The following SUMF1 variants were observed in gnomAD, a reference collection of about 807,000 sequenced individuals.
The protein encoded by SUMF1 is formylglycine-generating enzyme.
A neutral mutation model predicts 47.6 loss-of-function variants in SUMF1; 48 were observed. That is an observed-to-expected ratio of 1.01 (90% CI 0.80 to 1.28). SUMF1 has a LOEUF of 1.28. Ranked by LOEUF, SUMF1 falls within the 50% of genes most tolerant of loss-of-function variation. SUMF1 has a pLI of 0.00. For missense variants in SUMF1, 571 were observed against 485.4 expected (o/e 1.18, Z -1.66); for synonymous variants, 230 against 192.1 (o/e 1.20, Z -1.63).
chr3:4,073,871 C>T (rs1192002210), intron 8 of SUMF1, among the ~76,000 whole-genome samples: 1 of 152,148 alleles, frequency 6.6e-6, no homozygotes, highest in Non-Finnish European at 1.5e-5. Context: ...GGGACTTAGA[C>T]TCCTACACAA....
intron 8 of SUMF1, among the ~76,000 whole-genome samples, chr3:4,129,292 G>A (rs1383339516): frequency 6.6e-6 from 1 of 152,096 alleles, no homozygotes; most frequent in Non-Finnish European, 1.5e-5. Flanking sequence ...CATAGTGGGT[G>A]TACCTACTGT....
chr3:4,303,645 C>A (rs1559210980), intron 8 of SUMF1: 1 of 1,429,998 alleles, frequency 7.0e-7, no homozygotes, highest in Non-Finnish European at 9.2e-7. Flanking sequence ...TTACAGCGCA[C>A]CCGTTGGTGC....
chr3:4,070,211 T>G (rs1324019206), intron 8 of SUMF1, among the ~76,000 whole-genome samples: 1 of 152,210 alleles, frequency 6.6e-6, no homozygotes, highest in African/African-American at 2.4e-5. Flanking sequence ...TTAAATGTAT[T>G]TGATTGATGT....
intron 8 of SUMF1, among the ~76,000 whole-genome samples, chr3:4,119,836 T>C (rs1693499721): frequency 6.6e-6 from 1 of 152,164 alleles, no homozygotes; most frequent in African/African-American, 2.4e-5. Flanking sequence ...TCCTTGGTCC[T>C]TGGTTCCCCA....
At chr3:4,335,960 CAAAA>C (rs770091674) in intron 8 of SUMF1, among the ~76,000 whole-genome samples, 20 of 73,900 alleles carry the variant, frequency 2.7e-4, no homozygotes, top group South Asian at 4.8e-4. Context: ...GATTCCAACT[CAAAA>C]AAAAAAAAAA....
chr3:4,296,692 A>G (rs1431682737), intron 8 of SUMF1, among the ~76,000 whole-genome samples: 2 of 152,196 alleles, frequency 1.3e-5, no homozygotes, highest in Non-Finnish European at 2.9e-5. Flanking sequence ...TACAGGAGCT[A>G]CAATTCAAGA....
At chr3:4,052,547 A>G (rs1695129583) in intron 9 of SUMF1, among the ~76,000 whole-genome samples, 1 of 152,126 alleles carries the variant, frequency 6.6e-6, no homozygotes, top group Non-Finnish European at 1.5e-5. Flanking sequence ...ACAAACAGCT[A>G]CTGGAGAAGC....
At chr3:4,247,488 G>A (rs1004893592) in intron 8 of SUMF1, among the ~76,000 whole-genome samples, 1 of 152,142 alleles carries the variant, frequency 6.6e-6, no homozygotes, top group Admixed American at 6.5e-5. Flanking sequence ...TTCTCTGCAT[G>A]AATCATTCAG....
chr3:4,212,056 C>T (rs1695810663), intron 8 of SUMF1, among the ~76,000 whole-genome samples: 1 of 152,176 alleles, frequency 6.6e-6, no homozygotes. Flanking sequence ...GAGCAGACCT[C>T]CCAGCACAGC....
intron 1 of SUMF1, among the ~76,000 whole-genome samples, chr3:4,454,829 C>A (rs1703100318): frequency 1.3e-5 from 2 of 152,106 alleles, no homozygotes; most frequent in South Asian, 4.1e-4. Flanking sequence ...CAAAGGGCCA[C>A]ATATTGTATG....
chr3:4,134,071 T>G (rs1693859953), intron 8 of SUMF1, among the ~76,000 whole-genome samples: 2 of 151,758 alleles, frequency 1.3e-5, no homozygotes, highest in Admixed American at 1.3e-4. Flanking sequence ...AGACAGAAAG[T>G]TAACAAGGAT....
At chr3:4,315,166 C>T (rs1233651962) in intron 8 of SUMF1, among the ~76,000 whole-genome samples, 1 of 152,200 alleles carries the variant, frequency 6.6e-6, no homozygotes, top group Non-Finnish European at 1.5e-5. Context: ...TTAATCATTT[C>T]TCCATGCCAA....
Position 4,091,632 on chromosome 3 carries a change from A to G in SUMF1, c.1015-22887T>C, listed in dbSNP as rs148124821. Among the ~76,000 whole-genome samples the G allele has an allele frequency of 8.3e-3, 1,261 of 152,240 alleles. 25 individuals carry two copies. The highest frequency in any genetic ancestry group is 0.029 in the African/African-American group (1,213 of 41,496). ...AGGATAACAGCCCTTTATGACTTTA[A>G]CAAAAATTCATTTTTATTGCAATCA... On this transcript the variant is annotated intron_variant and NMD_transcript_variant, in intron 8 of 12. Transcript: ENST00000448413.
At chr3:4,374,407 A>G (rs868471756) in intron 8 of SUMF1, among the ~76,000 whole-genome samples, 1 of 152,226 alleles carries the variant, frequency 6.6e-6, no homozygotes, top group Non-Finnish European at 1.5e-5. Flanking sequence ...AGTTTAAAAG[A>G]TATTTTTAAA....
rs1465413567 is a variant in SUMF1 at position 4,362,263 on chromosome 3, A to T, written c.1015-9T>A. The T allele has an allele frequency of 6.2e-7, 1 of 1,612,642 alleles. No individual in the cohort carries two copies. The highest frequency in any genetic ancestry group is 1.1e-5 in the South Asian group (1 of 91,056). On this transcript the variant is annotated splice_polypyrimidine_tract_variant and intron_variant, in intron 8 of 8. Transcript: ENST00000272902. Reference sequence around the variant, plus strand: ...TACCTGTAACAATAAGACTGTGTAGAGAGAAAGAGCAAGGTAAGTGCTACT... The same window carrying T: ...TACCTGTAACAATAAGACTGTGTAGTGAGAAAGAGCAAGGTAAGTGCTACT...
chr3:4,034,764 C>A (rs577007920), intron 9 of SUMF1, among the ~76,000 whole-genome samples: 1 of 151,972 alleles, frequency 6.6e-6, no homozygotes, highest in Non-Finnish European at 1.5e-5. Context: ...ACAGGACAGA[C>A]AGACATAAGT....
chr3:4,389,804 T>G (rs1421322088), intron 7 of SUMF1, among the ~76,000 whole-genome samples: 1 of 152,186 alleles, frequency 6.6e-6, no homozygotes, highest in Non-Finnish European at 1.5e-5. Context: ...TTCTAAAATT[T>G]GCATTTGGTT....
At chr3:4,242,158 G>A (rs943031010) in intron 8 of SUMF1, among the ~76,000 whole-genome samples, 1 of 152,158 alleles carries the variant, frequency 6.6e-6, no homozygotes, top group South Asian at 2.1e-4. Context: ...TTGCTTATCA[G>A]CTTAAGGAGA....
chr3:4,148,446 G>C (rs1694244680), intron 8 of SUMF1, among the ~76,000 whole-genome samples: 1 of 152,108 alleles, frequency 6.6e-6, no homozygotes, highest in Non-Finnish European at 1.5e-5. Flanking sequence ...GAATCACCTA[G>C]AAAACTCCTA....
Sources: allele counts gnomAD v4.1 joint callset (sites outside exome capture counted in the v4.1 genomes callset), GRCh38; gene constraint gnomAD v4.1.1; transcripts MANE v1.5; gene names NCBI Gene and HGNC (gene_info 2026-07-23, HGNC 2026-07-21).